MARK1: variants seen among roughly 807,000 people sequenced by gnomAD.
MARK1 encodes the protein microtubule affinity regulating kinase 1.
MARK1 carries 40 observed loss-of-function variants against 96.3 expected under a neutral mutation model. The ratio of observed to expected loss-of-function variants is 0.42; its 90% CI spans 0.32 to 0.54. The LOEUF (loss-of-function observed/expected upper bound fraction) is 0.54, where lower values mean the gene tolerates loss of function less well. MARK1 is among the 20% of genes least tolerant of loss of function. MARK1 has a pLI of 0.16. For missense variants in MARK1, 719 were observed against 984.6 expected (o/e 0.73, Z 3.61); for synonymous variants, 317 against 341.2 (o/e 0.93, Z 0.78).
chr1:220,576,295 CATCCTGCT>C (rs1663845689), intron 1 of MARK1, among the ~76,000 whole-genome samples: 1 of 151,662 alleles, frequency 6.6e-6, no homozygotes, highest in Admixed American at 6.6e-5. Context: ...TATTTCTCAT[CATCCTGCT>C]GTCAGTCTGG....
chr1:220,541,515 A>T (rs1661146103), intron 1 of MARK1, among the ~76,000 whole-genome samples: 1 of 152,134 alleles, frequency 6.6e-6, no homozygotes, highest in Non-Finnish European at 1.5e-5. Context: ...AATGTAGGGT[A>T]TTGAAATCTT....
intron 1 of MARK1, among the ~76,000 whole-genome samples, chr1:220,532,872 G>A (rs1660408341): frequency 6.6e-6 from 1 of 152,032 alleles, no homozygotes; most frequent in Admixed American, 6.6e-5. Context: ...TGGGCATGGT[G>A]GTGTGTGCCT....
At chr1:220,529,902 T>C (rs1003602258) in intron 1 of MARK1, among the ~76,000 whole-genome samples, 1 of 152,098 alleles carries the variant, frequency 6.6e-6, no homozygotes, top group Non-Finnish European at 1.5e-5. Context: ...CCTAGAGGGG[T>C]ACTAAGTTTT....
intron 3 of MARK1, among the ~76,000 whole-genome samples, chr1:220,587,299 TCCTC>T (rs1021842359): frequency 1.6e-4 from 23 of 143,564 alleles, no homozygotes; most frequent in African/African-American, 5.2e-4. Flanking sequence ...CTTCCTTCCT[TCCTC>T]CCTCCCTCCC....
chr1:220,658,164 CAAAT>C (rs1225838039), intron 17 of MARK1, among the ~76,000 whole-genome samples: 1 of 152,098 alleles, frequency 6.6e-6, no homozygotes, highest in African/African-American at 2.4e-5. Flanking sequence ...TAGTCTGAGT[CAAAT>C]AGCACAAATA....
intron 1 of MARK1, among the ~76,000 whole-genome samples, chr1:220,563,108 G>T (rs534422271): frequency 3.7e-4 from 57 of 152,222 alleles, no homozygotes; most frequent in African/African-American, 1.3e-3. Context: ...TCTTAGTATG[G>T]TGCTCAATAA....
rs187104547 is a variant in MARK1 at position 220,578,086 on chromosome 1, G to A, written c.52-1268G>A. 3.8e-4 allele frequency among the ~76,000 whole-genome samples: 58 copies of A among 152,196 alleles called. 1 individual carries two copies. Among genetic ancestry groups the A allele is most frequent in the Admixed American group, 3.4e-3 (52 of 15,274 alleles). On this transcript the variant is annotated intron_variant, in intron 1 of 17. Transcript: ENST00000366917. ...TAAGATCAAAATTCTTTAGGAAGCT[G>A]TTGCTTTTACAGGTGGGGCAATATA...
chr1:220,662,136 A>G lies in MARK1; in HGVS notation c.2358A>G (p.Ala786=), dbSNP rs970670636. ...CATCTATTGCCTTTAAGAACATTGC[A>G]TCAAAAATAGCAAATGAGCTTAAGC... is the stretch of plus-strand genomic sequence containing the variant. The part of the protein sequence containing the change: ...SGTSIAFKNI[A]SKIANELKL The change falls in exon 18 of 18, where the codon GCA becomes GCG. Residue 786 remains alanine, a synonymous_variant. Transcript: ENST00000366917. The G allele has an allele frequency of 9.3e-6, 15 of 1,612,592 alleles. No individual in the cohort carries two copies. In the African/African-American group the frequency reaches 1.7e-4, roughly 19 times the overall value.
chr1:220,607,681 A>G (rs1666167698), intron 6 of MARK1, among the ~76,000 whole-genome samples: 1 of 152,026 alleles, frequency 6.6e-6, no homozygotes, highest in South Asian at 2.1e-4. Flanking sequence ...GTATGATGAT[A>G]TTGGCTGTGG....
intron 6 of MARK1, among the ~76,000 whole-genome samples, chr1:220,615,416 T>G (rs2102960488): frequency 6.6e-6 from 1 of 152,320 alleles, no homozygotes; most frequent in East Asian, 1.9e-4. Context: ...TCCTTTCTCT[T>G]TATATATGAA....
rs1669523857 is a variant in MARK1 at position 220,662,352 on chromosome 1, C to A, written c.*186C>A. 3.6e-6 allele frequency: 2 copies of A among 557,240 alleles called. No individual in the cohort carries two copies. The highest frequency in any genetic ancestry group is 5.4e-5 in the South Asian group (2 of 37,218). 34.5% of individuals were successfully genotyped at this position (557,240 alleles called of 1,614,324 possible). ...AGTCAGTATGAACTATAATAAATATCTGTAGCTTAAAAAGTAGGTTCACAT... is the reference window on the plus strand; with the variant it reads ...AGTCAGTATGAACTATAATAAATATATGTAGCTTAAAAAGTAGGTTCACAT... On this transcript the variant is annotated 3_prime_UTR_variant, in exon 18 of 18. Transcript: ENST00000366917.
At chr1:220,622,003 A>G (rs1667076560) in intron 9 of MARK1, among the ~76,000 whole-genome samples, 1 of 152,214 alleles carries the variant, frequency 6.6e-6, no homozygotes, top group Non-Finnish European at 1.5e-5. Context: ...ACATAAGCAA[A>G]CAGTTATATA....
intron 9 of MARK1, among the ~76,000 whole-genome samples, chr1:220,629,155 A>AAAT (rs1455035399): frequency 1.3e-5 from 2 of 152,188 alleles, no homozygotes; most frequent in African/African-American, 4.8e-5. Flanking sequence ...ATTGGCAAGT[A>AAAT]AAGTTTAAAG....
intron 1 of MARK1, among the ~76,000 whole-genome samples, chr1:220,556,221 T>G (rs578010828): frequency 7.2e-5 from 11 of 152,256 alleles, no homozygotes; most frequent in Admixed American, 2.0e-4. Flanking sequence ...CAAAGAAAGT[T>G]AGAAAAAACT....
chr1:220,657,964 T>C (rs769970513), intron 17 of MARK1, 130 bp downstream of exon 17: 60 of 610,936 alleles, frequency 9.8e-5, no homozygotes, highest in Non-Finnish European at 1.5e-4. Flanking sequence ...TAGATTTTTA[T>C]ATTGGGGTGG....
intron 7 of MARK1, among the ~76,000 whole-genome samples, chr1:220,617,116 A>G (rs1439664643): frequency 1.3e-5 from 2 of 152,130 alleles, no homozygotes; most frequent in African/African-American, 2.4e-5. Flanking sequence ...AGCCCCTTAC[A>G]TCAGAACATA....
intron 6 of MARK1, among the ~76,000 whole-genome samples, chr1:220,606,399 A>C (rs886366519): frequency 2.6e-5 from 4 of 151,794 alleles, no homozygotes; most frequent in African/African-American, 9.7e-5. Flanking sequence ...AATTTCTGTG[A>C]GTTCTTTGTA....
At chr1:220,548,169 T>C (rs1035300101) in intron 1 of MARK1, among the ~76,000 whole-genome samples, 1 of 152,248 alleles carries the variant, frequency 6.6e-6, no homozygotes, top group African/African-American at 2.4e-5. Flanking sequence ...GGTGATGCTA[T>C]GTAGATACAG....
intron 1 of MARK1, among the ~76,000 whole-genome samples, chr1:220,564,896 A>G (rs935729196): frequency 6.6e-6 from 1 of 152,160 alleles, no homozygotes; most frequent in East Asian, 1.9e-4. Flanking sequence ...CAAATACCAA[A>G]GAAGAAGTAT....
Sources: allele counts gnomAD v4.1 joint callset (sites outside exome capture counted in the v4.1 genomes callset), GRCh38; gene constraint gnomAD v4.1.1; transcripts MANE v1.5; gene names NCBI Gene and HGNC (gene_info 2026-07-23, HGNC 2026-07-21).